The following MYOM3 variants were observed in gnomAD, a reference collection of about 807,000 sequenced individuals.
The protein encoded by MYOM3 is myomesin-3.
In MYOM3, 155 loss-of-function variants were observed where a neutral mutation model predicts 191.7. That is an observed-to-expected ratio of 0.81 (90% CI 0.71 to 0.92). The LOEUF is 0.92. Among genes scored for constraint, MYOM3 ranks in the 40% least tolerant of loss-of-function variants. The probability of loss-of-function intolerance (pLI) is 0.00; values close to 1 mark genes in which losing one functional copy is unlikely to be tolerated. For synonymous variants in MYOM3, 757 were observed against 762.9 expected, an observed-to-expected ratio of 0.99 and a Z score of 0.13; for missense variants, 1,889 against 1,890.6, an observed-to-expected ratio of 1.00 and a Z score of 0.02.
intron 15 of MYOM3, among the ~76,000 whole-genome samples, 176 bp downstream of exon 15, chr1:24,086,468 A>C (rs973391847): frequency 2.0e-5 from 3 of 152,036 alleles, no homozygotes; most frequent in African/African-American, 7.2e-5. Context: ...TGCCCAGAGA[A>C]ATGTGATTTC....
intron 23 of MYOM3, among the ~76,000 whole-genome samples, chr1:24,073,882 A>AAT (rs1643562644): frequency 6.7e-6 from 1 of 150,366 alleles, no homozygotes; most frequent in South Asian, 2.1e-4. Context: ...AAAAAAAAAA[A>AAT]AAGGTGGGAA....
At chr1:24,083,124 A>G (rs1643694306) in intron 16 of MYOM3, 1 of 155,466 alleles carries the variant, frequency 6.4e-6, no homozygotes, top group African/African-American at 2.4e-5. Flanking sequence ...AGAGCCCTCA[A>G]AGAGAATTGT....
In MYOM3 at chr1:24,057,442, C is replaced by T; in HGVS notation, c.4236G>A (p.Lys1412=). ...SGRYGVFVKN[K]YGSETGQVTI... is the part of the protein sequence containing the mutation. ...TGACCTGGCCCGTCTCGGAGCCATA[C>T]TTGTTCTTGACGAAGACGCCGTAGC... The change falls in exon 37 of 37, where the codon AAG becomes AAA. Residue 1412 remains lysine, a synonymous_variant. Transcript: ENST00000374434. 1 of 1,614,200 alleles carries T rather than the reference C, an allele frequency of 6.2e-7. No individual in the cohort carries two copies. Among genetic ancestry groups the T allele is most frequent in the Non-Finnish European group, 8.5e-7 (1 of 1,180,044 alleles).
intron 1 of MYOM3, among the ~76,000 whole-genome samples, chr1:24,109,695 C>T (rs1333054072): frequency 6.6e-6 from 1 of 152,176 alleles, no homozygotes; most frequent in Admixed American, 6.5e-5. Flanking sequence ...AGGACAGCAC[C>T]ATTATTATCC....
chr1:24,060,956 C>G, intron 35 of MYOM3, 104 bp downstream of exon 35: 1 of 1,307,230 alleles, frequency 7.6e-7, no homozygotes, highest in South Asian at 1.2e-5. Context: ...CCCACAGACC[C>G]CACTGTGGAA....
At chr1:24,068,736 C>T (rs904781088) in intron 25 of MYOM3, among the ~76,000 whole-genome samples, 1 of 151,870 alleles carries the variant, frequency 6.6e-6, no homozygotes, top group African/African-American at 2.4e-5. Context: ...GACAGTGTCT[C>T]ACTCCATCGC....
At position 24,092,279 on chromosome 1, in the gene MYOM3, G is replaced by C. The variant is rs1330642748; in HGVS notation, c.1127C>G (p.Pro376Arg). 2 of 1,371,286 alleles carry C rather than the reference G, an allele frequency of 1.5e-6. No homozygotes were observed. Among genetic ancestry groups the C allele is most frequent in the South Asian group, 2.0e-5 (1 of 50,100 alleles). 84.9% of individuals were successfully genotyped at this position (1,371,286 alleles called of 1,614,324 possible). The change falls in exon 11 of 37, where the codon CCA becomes CGA. Residue 376 changes from proline (P) to arginine (R), a missense_variant. Pro to Arg is a moderately radical substitution (Grantham distance 103). Coordinates refer to ENST00000374434, the MANE Select transcript of MYOM3 (RefSeq NM_152372.4). ...EAENPGAPGSPLNVRCLDVNR... is the reference protein window; with the variant it reads ...EAENPGAPGSRLNVRCLDVNR... Reference sequence around the variant, plus strand: ...CACATCCAGGCATCGGACGTTCAGTGGGGAGCCTGGGGCCCCGGGGTTCTC... The same window carrying C: ...CACATCCAGGCATCGGACGTTCAGTCGGGAGCCTGGGGCCCCGGGGTTCTC...
rs1251616880 is a variant in MYOM3, at chr1:24,092,947, C to G, written c.1090G>C (p.Asp364His). ...ACCCTGCGCCCACCCATGCCCTCAC[C>G]TCTCACAAGCACGTAGGTGCTCTGT... ...REQSTYVLVR[D>H]AEAENPGAPG... The change falls in exon 10 of 37, where the codon GAT (aspartate) becomes CAT (histidine). Residue 364 changes from aspartate to histidine, a missense_variant and splice_region_variant. Asp to His is a moderately conservative substitution (Grantham distance 81, BLOSUM62 -1). Coordinates refer to ENST00000374434, the MANE Select transcript of MYOM3 (RefSeq NM_152372.4). 6.4e-7 allele frequency: 1 copy of G among 1,564,032 alleles called. No homozygotes were observed. Among genetic ancestry groups the G allele is most frequent in the Non-Finnish European group, 8.6e-7 (1 of 1,157,112 alleles).
rs1287054520 is a variant in MYOM3, at chr1:24,081,373, G to T, written c.2364C>A (p.Pro788=). The T allele has an allele frequency of 1.2e-6, 2 of 1,614,012 alleles. No individual in the cohort carries two copies. Among genetic ancestry groups the T allele is most frequent in the Non-Finnish European group, 1.7e-6 (2 of 1,180,042 alleles). The change falls in exon 19 of 37, where the codon CCC becomes CCA. Residue 788 remains proline, a synonymous_variant. Transcript: ENST00000374434. ...NWAGVGELSA[P]SSLFECKEWT... is the part of the protein sequence containing the mutation. ...ACTCTTTGCACTCAAACAGGCTGCT[G>T]GGTGCCGACAGCTCGCCAACACCTG...
chr1:24,082,169 A>T lies in MYOM3; in HGVS notation c.2112T>A (p.Tyr704Ter). The T allele has an allele frequency of 6.2e-7, 1 of 1,612,202 alleles. No individual in the cohort carries two copies. The highest frequency in any genetic ancestry group is 2.2e-5 in the East Asian group (1 of 44,858). The part of the protein sequence containing the change: ...KQALATPSAP[Y>*]GFALLNCGKN... ...TCCCGCAGTTCAGGAGGGCAAAGCC[A>T]TATGGGGCAGACGGGGTAGCTACAG... The change falls in exon 18 of 37, where the codon TAT becomes TAA. Residue 704 changes from tyrosine to a stop codon, truncating the protein, a stop_gained. Transcript: ENST00000374434. LOFTEE classifies it high-confidence loss of function.
chr1:24,083,032 C>T, intron 16 of MYOM3: 1 of 208,538 alleles, frequency 4.8e-6, no homozygotes, highest in Non-Finnish European at 9.4e-6. Context: ...ATCTTCAAGA[C>T]TTTGGGCTTT....
rs1643874029 is a variant in MYOM3 at position 24,095,464 on chromosome 1, G to A, written c.768C>T (p.Gly256=). Residue 256 remains glycine (G), a synonymous_variant, in exon 8 of 37, where the codon GGC becomes GGT. Transcript: ENST00000374434. ...TACTTTTGAAGATCTCTGAATCGAA[G>A]CCAGCATCCTTCCCCAGGTAAGCTG... ...LVRTYLGKDA[G]FDSEIFKRST... 3.1e-6 allele frequency: 5 copies of A among 1,612,824 alleles called. No individual in the cohort carries two copies. Among genetic ancestry groups the A allele is most frequent in the African/African-American group, 2.7e-5 (2 of 74,826 alleles).
chr1:24,066,005 G>T lies in MYOM3; in HGVS notation c.3424-4C>A, dbSNP rs773173508. ...TCTCCTTCTTGGTGTTGGTCACCTG[G>T]GGAAGGTGGGGAATGAGGAGACTCT... On this transcript the variant is annotated splice_polypyrimidine_tract_variant and splice_region_variant and intron_variant, in intron 28 of 36. Coordinates refer to ENST00000374434, the MANE Select transcript of MYOM3 (RefSeq NM_152372.4). The T allele has an allele frequency of 1.3e-6, 2 of 1,583,464 alleles. No individual in the cohort carries two copies. Among genetic ancestry groups the T allele is most frequent in the East Asian group, 4.5e-5 (2 of 44,730 alleles).
In MYOM3 at chr1:24,065,899, T is replaced by C. The variant is rs763968263; in HGVS notation, c.3526A>G (p.Ile1176Val). 2.5e-6 allele frequency: 4 copies of C among 1,608,428 alleles called. No homozygotes were observed. The African/African-American group carries it at 5.3e-5, about 21-fold the overall frequency. Reference protein sequence around the residue: ...DPETGTGLLCIEELSKKDKGI... With the variant: ...DPETGTGLLCVEELSKKDKGI... ...GCTGGAGCCACACTTGCCTCTTCAATGCAGAGAAGTCCCGTTCCCGTCTCT... is the reference window on the plus strand; with the variant it reads ...GCTGGAGCCACACTTGCCTCTTCAACGCAGAGAAGTCCCGTTCCCGTCTCT... The change falls in exon 29 of 37, where the codon ATT becomes GTT. Residue 1176 changes from isoleucine (I) to valine (V), a missense_variant. Physicochemically the swap from Ile to Val is conservative, Grantham distance 29. Transcript: ENST00000374434.
intron 20 of MYOM3, among the ~76,000 whole-genome samples, chr1:24,079,254 C>T (rs962577791): frequency 6.6e-6 from 1 of 152,126 alleles, no homozygotes; most frequent in Non-Finnish European, 1.5e-5. Context: ...GGCTGGAGTG[C>T]AGTGGTACGA....
intron 25 of MYOM3, among the ~76,000 whole-genome samples, chr1:24,070,333 T>C (rs889740489): frequency 6.6e-6 from 1 of 151,962 alleles, no homozygotes; most frequent in African/African-American, 2.4e-5. Flanking sequence ...TATAGTAACA[T>C]TGCACACTTT....
At position 24,076,165 on chromosome 1, in the gene MYOM3, T is replaced by C. The variant is rs772600642; in HGVS notation, c.2695A>G (p.Lys899Glu). Residue 899 changes from lysine to glutamate, a missense_variant, in exon 21 of 37, where the codon AAG (lysine) becomes GAG (glutamate). Physicochemically the swap from Lys to Glu is moderately conservative, Grantham distance 56 (BLOSUM62 1). Coordinates refer to ENST00000374434, the MANE Select transcript of MYOM3 (RefSeq NM_152372.4). ...CCTCTCCGGCCACCCCTACCTGGCT[T>C]GTCCTCCAGGAGCACGGGATCAGTG... ...MPTDPVLLED[K>E]PGAHEIEVGV... 6 of 1,613,754 alleles carry C rather than the reference T, an allele frequency of 3.7e-6. No individual in the cohort carries two copies. The highest frequency in any genetic ancestry group is 1.7e-4 in the Middle Eastern group (1 of 6,058).
At position 24,092,217 on chromosome 1, in the gene MYOM3, T is replaced by C; in HGVS notation, c.1189A>G (p.Ser397Gly). ...GTGATGGGGTTGCCCCGGGTGTCACTGGGCGGGGCCCAAGTCAGGATGAGG... is the reference window on the plus strand; with the variant it reads ...GTGATGGGGTTGCCCCGGGTGTCACCGGGCGGGGCCCAAGTCAGGATGAGG... Reference protein sequence around the residue: ...DCLILTWAPPSDTRGNPITAY... With the variant: ...DCLILTWAPPGDTRGNPITAY... The change falls in exon 11 of 37, where the codon AGT becomes GGT. Residue 397 changes from serine to glycine, a missense_variant. Coordinates refer to ENST00000374434, the MANE Select transcript of MYOM3 (RefSeq NM_152372.4). 2 of 1,451,662 alleles carry C rather than the reference T, an allele frequency of 1.4e-6. No individual in the cohort carries two copies. Among genetic ancestry groups the C allele is most frequent in the South Asian group, 1.5e-5 (1 of 67,634 alleles). 89.9% of individuals were successfully genotyped at this position (1,451,662 alleles called of 1,614,324 possible). A position where few individuals can be genotyped will look rare whatever the true frequency, so the allele number is the denominator to read the frequency against.
At chr1:24,090,434 G>A (rs183317492) in intron 12 of MYOM3, among the ~76,000 whole-genome samples, 4 of 152,304 alleles carry the variant, frequency 2.6e-5, no homozygotes, top group Admixed American at 6.5e-5. Flanking sequence ...CGTGGCTCCC[G>A]AGGGCTGAGA....
Sources: gnomAD v4.1 joint callset for allele counts (sites outside exome capture counted in the v4.1 genomes callset) on GRCh38, gnomAD v4.1.1 for gene constraint, MANE v1.5 for transcripts, NCBI Gene and HGNC (gene_info 2026-07-23, HGNC 2026-07-21) for gene names.